Variants in PALM2AKAP2 observed in about 807,000 individuals in gnomAD.
The protein encoded by PALM2AKAP2 is PALM2 and AKAP2 fusion.
Under a neutral mutation model 71.5 loss-of-function variants are expected in PALM2AKAP2, and 37 were observed. The ratio of observed to expected loss-of-function variants is 0.52; its 90% CI spans 0.40 to 0.68. The LOEUF (loss-of-function observed/expected upper bound fraction) is 0.68. Ranked by LOEUF, PALM2AKAP2 falls within the 30% of genes least tolerant of loss-of-function variation. The pLI is 0.00. For missense variants in PALM2AKAP2, 1,224 were observed against 1,191.8 expected (o/e 1.03, Z -0.40); for synonymous variants, 468 against 478.8 (o/e 0.98, Z 0.29).
chr9:110,035,404 A>G (rs571307537), intron 7 of PALM2AKAP2, among the ~76,000 whole-genome samples: 20 of 115,288 alleles, frequency 1.7e-4, no homozygotes, highest in Non-Finnish European at 3.1e-4. Context: ...ACATATACGT[A>G]TATAATATGT....
chr9:109,733,113 A>G (rs544710079), intron 1 of PALM2AKAP2, among the ~76,000 whole-genome samples: 1 of 152,194 alleles, frequency 6.6e-6, no homozygotes, highest in African/African-American at 2.4e-5. Context: ...ATTAATGTAT[A>G]TAAGAAAAGG....
At position 109,723,773 on chromosome 9, in the gene PALM2AKAP2, A is replaced by G. The variant is rs1345164019; in HGVS notation, c.6-56715A>G. Among the ~76,000 whole-genome samples the G allele has an allele frequency of 2.0e-5, 3 of 152,238 alleles. No homozygotes were observed. In the South Asian group the frequency reaches 6.2e-4, roughly 32 times the overall value. ...GAGGGTGGATCCATAGGCATGAGCT[A>G]AAACAAATTCCTCCTGTGTGTAGGC... On this transcript the variant is annotated intron_variant, in intron 1 of 6. Coordinates refer to the PALM2AKAP2 transcript ENST00000374531.
intron 1 of PALM2AKAP2, among the ~76,000 whole-genome samples, chr9:109,693,948 A>T (rs1198904960): frequency 1.3e-5 from 2 of 151,994 alleles, no homozygotes; most frequent in Non-Finnish European, 2.9e-5. Flanking sequence ...GGTTTCCTTT[A>T]TTCATTCCAC....
chr9:109,917,197 C>T (rs559761231), intron 3 of PALM2AKAP2, among the ~76,000 whole-genome samples: 64 of 152,252 alleles, frequency 4.2e-4, no homozygotes, highest in South Asian at 3.1e-3. Flanking sequence ...AGGCACGGAA[C>T]GTGGGTGACC....
At chr9:110,029,043 T>C (rs1283176663) in intron 7 of PALM2AKAP2, among the ~76,000 whole-genome samples, 1 of 152,184 alleles carries the variant, frequency 6.6e-6, no homozygotes, top group Non-Finnish European at 1.5e-5. Flanking sequence ...ACTTGTAATA[T>C]GCTGATAACC....
upstream of PALM2AKAP2, among the ~76,000 whole-genome samples, chr9:109,775,907 T>A (rs1359964680): frequency 6.6e-6 from 1 of 152,250 alleles, no homozygotes; most frequent in Non-Finnish European, 1.5e-5. Flanking sequence ...GCATTCTGTA[T>A]CCTTTTCGTA....
chr9:109,714,090 A>G (rs1026657548), intron 1 of PALM2AKAP2, among the ~76,000 whole-genome samples: 5 of 152,208 alleles, frequency 3.3e-5, no homozygotes, highest in African/African-American at 1.2e-4. Flanking sequence ...TTCCAGCCTG[A>G]TTGTTTATTC....
chr9:109,880,649 C>T (rs1484607166), exon 3 of PALM2AKAP2: 4 of 1,613,862 alleles, frequency 2.5e-6, no homozygotes, highest in Non-Finnish European at 3.4e-6. Flanking sequence ...AGGATGAGTT[C>T]AGAGTCAAGC....
chr9:109,961,702 G>T (rs1233129050), intron 6 of PALM2AKAP2, among the ~76,000 whole-genome samples: 2 of 152,154 alleles, frequency 1.3e-5, no homozygotes. Flanking sequence ...TGATGCCTTG[G>T]CAATTCTCCA....
intron 7 of PALM2AKAP2, among the ~76,000 whole-genome samples, chr9:110,017,225 CATGGATTT>C (rs1439107322): frequency 6.6e-6 from 1 of 152,200 alleles, no homozygotes; most frequent in African/African-American, 2.4e-5. Context: ...GAATATACAG[CATGGATTT>C]ATTCAAGTTT....
chr9:109,901,267 A>G (rs143350683), intron 3 of PALM2AKAP2, among the ~76,000 whole-genome samples: 13 of 152,350 alleles, frequency 8.5e-5, no homozygotes, highest in African/African-American at 3.1e-4. Flanking sequence ...CTCTATGCAG[A>G]CCAAGCTTAT....
At chr9:109,928,397 T>G (rs57962777) in intron 5 of PALM2AKAP2, among the ~76,000 whole-genome samples, 16,556 of 152,248 alleles carry the variant, frequency 0.11, 1,195 homozygotes, top group African/African-American at 0.2. Context: ...TAATTTCTAC[T>G]CTATAAGTTA....
intron 1 of PALM2AKAP2, among the ~76,000 whole-genome samples, chr9:110,119,519 C>T (rs1172198387): frequency 6.6e-6 from 1 of 152,082 alleles, no homozygotes; most frequent in Non-Finnish European, 1.5e-5. Context: ...ACCACTGGGT[C>T]AAAAGCATTG....
chr9:109,763,777 T>G (rs544686761), intron 1 of PALM2AKAP2, among the ~76,000 whole-genome samples: 2 of 152,090 alleles, frequency 1.3e-5, no homozygotes, highest in East Asian at 3.9e-4. Flanking sequence ...CAATGTGGGG[T>G]GGGAGGGAAG....
At chr9:109,919,679 A>G (rs987051588) in intron 3 of PALM2AKAP2, among the ~76,000 whole-genome samples, 3 of 151,956 alleles carry the variant, frequency 2.0e-5, no homozygotes, top group Non-Finnish European at 4.4e-5. Context: ...TAACTGGCAT[A>G]TACATTATTG....
chr9:109,807,944 T>C (rs1479550637), intron 1 of PALM2AKAP2, among the ~76,000 whole-genome samples: 1 of 152,198 alleles, frequency 6.6e-6, no homozygotes, highest in Non-Finnish European at 1.5e-5. Context: ...CACTCCTCCT[T>C]CCTGCCACCA....
chr9:109,727,702 A>G (rs771383558), intron 1 of PALM2AKAP2, among the ~76,000 whole-genome samples: 2 of 152,208 alleles, frequency 1.3e-5, no homozygotes, highest in African/African-American at 2.4e-5. Context: ...CTTTCTCTCA[A>G]ATCACTCAAT....
chr9:109,738,535 C>A (rs889963139), intron 1 of PALM2AKAP2, among the ~76,000 whole-genome samples: 4 of 152,176 alleles, frequency 2.6e-5, no homozygotes, highest in African/African-American at 9.7e-5. Context: ...TATACACTAG[C>A]AATGGATGAT....
At chr9:109,851,126 G>A (rs1587959194) in intron 1 of PALM2AKAP2, among the ~76,000 whole-genome samples, 1 of 151,770 alleles carries the variant, frequency 6.6e-6, no homozygotes, top group East Asian at 1.9e-4. Flanking sequence ...GCAGTGAGCC[G>A]AGATAGCGCC....
Sources: allele counts gnomAD v4.1 joint callset (sites outside exome capture counted in the v4.1 genomes callset), GRCh38; gene constraint gnomAD v4.1.1; transcripts MANE v1.5; gene names NCBI Gene and HGNC (gene_info 2026-07-23, HGNC 2026-07-21).